ZNF618: variants seen among roughly 807,000 people sequenced by gnomAD.
ZNF618 encodes zinc finger protein 618, also known as neural precursor cell expressed, developmentally down-regulated 10.
ZNF618 carries 34 observed loss-of-function variants against 103.0 expected under a neutral mutation model. The ratio of observed to expected loss-of-function variants is 0.33; its 90% CI spans 0.25 to 0.44. ZNF618 has a LOEUF of 0.44. ZNF618 is among the 20% of genes least tolerant of loss of function. The pLI is 1.00. For missense variants in ZNF618, 1,059 were observed against 1,295.4 expected (o/e 0.82, Z 2.80); for synonymous variants, 551 against 542.2 (o/e 1.02, Z -0.23).
intron 12 of ZNF618, chr9:114,035,131 T>C (rs1208828019): frequency 3.1e-6 from 3 of 976,650 alleles, no homozygotes; most frequent in Admixed American, 6.2e-5. Flanking sequence ...ATAAAAATTA[T>C]GACTATCAGC....
intron 10 of ZNF618, among the ~76,000 whole-genome samples, chr9:114,025,165 G>A (rs1843388491): frequency 1.3e-5 from 2 of 152,190 alleles, no homozygotes; most frequent in Admixed American, 1.3e-4. Context: ...TTTCTAAGAT[G>A]AAGATTCACG....
intron 1 of ZNF618, among the ~76,000 whole-genome samples, chr9:113,904,062 A>T (rs1257625431): frequency 1.4e-5 from 2 of 147,638 alleles, no homozygotes; most frequent in African/African-American, 5.0e-5. Flanking sequence ...AGCCTTTTGA[A>T]TCTGTCCCAT....
intron 7 of ZNF618, among the ~76,000 whole-genome samples, chr9:114,007,806 C>G (rs913835542): frequency 3.3e-5 from 5 of 152,184 alleles, no homozygotes; most frequent in Non-Finnish European, 7.3e-5. Flanking sequence ...TTAGATTATA[C>G]AATTAGAAAT....
chr9:113,892,410 T>G (rs1320793238), intron 1 of ZNF618, among the ~76,000 whole-genome samples: 1 of 152,176 alleles, frequency 6.6e-6, no homozygotes, highest in Non-Finnish European at 1.5e-5. Flanking sequence ...CAGCAGTTCA[T>G]TTTAATCCAA....
chr9:114,030,866 A>G (rs1051134868), intron 11 of ZNF618: 1 of 152,170 alleles, frequency 6.6e-6, no homozygotes, highest in Non-Finnish European at 1.5e-5. Flanking sequence ...GCAGTGTAAG[A>G]GTTTGCAGCC....
chr9:113,878,561 C>T (rs952060707), intron 1 of ZNF618, among the ~76,000 whole-genome samples: 14 of 152,158 alleles, frequency 9.2e-5, no homozygotes, highest in Non-Finnish European at 1.9e-4. Flanking sequence ...ATAAAGTACC[C>T]ACCCAAAGAT....
intron 1 of ZNF618, among the ~76,000 whole-genome samples, chr9:113,888,264 A>T (rs912478430): frequency 6.6e-6 from 1 of 152,168 alleles, no homozygotes; most frequent in Non-Finnish European, 1.5e-5. Context: ...GGGACTTGAG[A>T]CACGGCTACC....
intron 1 of ZNF618, among the ~76,000 whole-genome samples, chr9:113,917,956 C>T (rs1832277090): frequency 6.6e-6 from 1 of 152,178 alleles, no homozygotes; most frequent in Non-Finnish European, 1.5e-5. Context: ...GACCTATTCA[C>T]ATTTCACCAA....
intron 13 of ZNF618, among the ~76,000 whole-genome samples, chr9:114,041,235 G>A (rs1042455536): frequency 5.9e-5 from 9 of 152,104 alleles, no homozygotes; most frequent in Non-Finnish European, 5.9e-5. Flanking sequence ...TTAGCCCTTC[G>A]TCAGATGAGT....
At chr9:114,029,538 G>T (rs960115948) in intron 11 of ZNF618, among the ~76,000 whole-genome samples, 1 of 152,026 alleles carries the variant, frequency 6.6e-6, no homozygotes, top group African/African-American at 2.4e-5. Flanking sequence ...TCACACTGTT[G>T]TCTGTCTTAC....
chr9:113,926,736 T>C (rs1564179500), intron 1 of ZNF618, among the ~76,000 whole-genome samples: 2 of 152,346 alleles, frequency 1.3e-5, no homozygotes, highest in East Asian at 3.9e-4. Context: ...TTCCCAAATC[T>C]GCACTGTAGC....
intron 1 of ZNF618, among the ~76,000 whole-genome samples, chr9:113,958,870 C>T (rs775957356): frequency 2.0e-5 from 3 of 152,224 alleles, no homozygotes; most frequent in South Asian, 2.1e-4. Flanking sequence ...AGCAGCCCAT[C>T]GGAGGACAGA....
At chr9:113,943,891 T>G (rs1390038463) in intron 1 of ZNF618, among the ~76,000 whole-genome samples, 1 of 152,030 alleles carries the variant, frequency 6.6e-6, no homozygotes, top group African/African-American at 2.4e-5. Flanking sequence ...TTGGAGAACT[T>G]TGCTCTTCCC....
intron 1 of ZNF618, among the ~76,000 whole-genome samples, chr9:113,885,257 A>G (rs1273550268): frequency 6.6e-6 from 1 of 152,236 alleles, no homozygotes; most frequent in Non-Finnish European, 1.5e-5. Context: ...GTCCACAGAC[A>G]AGTTCTTTAG....
At chr9:113,958,937 G>A (rs988127802) in intron 1 of ZNF618, among the ~76,000 whole-genome samples, 1 of 152,162 alleles carries the variant, frequency 6.6e-6, no homozygotes, top group Non-Finnish European at 1.5e-5. Flanking sequence ...AAGGATATAT[G>A]GGAGCTCCCT....
chr9:113,951,471 G>A (rs369932902), intron 1 of ZNF618, among the ~76,000 whole-genome samples: 12,502 of 26,194 alleles, frequency 0.48, 3,882 homozygotes, highest in East Asian at 0.69. Context: ...ATATATGTGT[G>A]TATGTGTACA....
At chr9:113,922,047 C>T (rs1047197526) in intron 1 of ZNF618, among the ~76,000 whole-genome samples, 2 of 152,092 alleles carry the variant, frequency 1.3e-5, no homozygotes, top group Non-Finnish European at 2.9e-5. Context: ...TTTGATGTAT[C>T]GATACTTTGA....
chr9:113,896,672 T>A (rs892210040), intron 1 of ZNF618, among the ~76,000 whole-genome samples: 1 of 152,074 alleles, frequency 6.6e-6, no homozygotes, highest in African/African-American at 2.4e-5. Context: ...AGATATATTA[T>A]TAAGTTTTTC....
At chr9:113,951,573 G>GTATA (rs376623860) in intron 1 of ZNF618, among the ~76,000 whole-genome samples, 4 of 52,882 alleles carry the variant, frequency 7.6e-5, no homozygotes, top group African/African-American at 1.3e-4. Flanking sequence ...ATGTGTGTGT[G>GTATA]TATATGTGTG....
Sources: gnomAD v4.1 joint callset for allele counts (sites outside exome capture counted in the v4.1 genomes callset) on GRCh38, gnomAD v4.1.1 for gene constraint, MANE v1.5 for transcripts, NCBI Gene and HGNC (gene_info 2026-07-23, HGNC 2026-07-21) for gene names.